Variants in LRRC43 observed in about 807,000 individuals in gnomAD.
LRRC43 encodes the protein leucine-rich repeat-containing protein 43.
In LRRC43, 62 loss-of-function variants were observed where a neutral mutation model predicts 64.3. The observed-to-expected ratio is 0.96, with a 90% CI of 0.79 to 1.19. The LOEUF (loss-of-function observed/expected upper bound fraction) is 1.19. LRRC43 is among the 50% of genes most tolerant of loss of function. The probability of loss-of-function intolerance (pLI) is 0.00; values close to 1 mark genes in which losing one functional copy is unlikely to be tolerated. For missense variants in LRRC43, 868 were observed against 845.0 expected (o/e 1.03, Z -0.34); for synonymous variants, 422 against 382.3 (o/e 1.10, Z -1.21).
chr12:122,190,259 C>T lies in LRRC43; in HGVS notation c.792C>T (p.Pro264=). The change falls in exon 5 of 12, where the codon CCC becomes CCT. Residue 264 remains proline (P), a synonymous_variant. Coordinates refer to ENST00000339777, the MANE Select transcript of LRRC43 (RefSeq NM_001098519.2). ...VLQGNPLALV[P]YYRGLTIDSL... is the part of the protein sequence containing the mutation. Reference sequence around the variant, plus strand: ...AGGGAAACCCACTGGCCTTGGTGCCCTACTACCGCGGCCTCACCATCGACA... The same window carrying T: ...AGGGAAACCCACTGGCCTTGGTGCCTTACTACCGCGGCCTCACCATCGACA... The T allele has an allele frequency of 1.2e-6, 2 of 1,614,186 alleles. No individual in the cohort carries two copies. Among genetic ancestry groups the T allele is most frequent in the Non-Finnish European group, 1.7e-6 (2 of 1,180,028 alleles).
intron 1 of LRRC43, among the ~76,000 whole-genome samples, chr12:122,174,512 A>T (rs529692859): frequency 1.6e-4 from 25 of 152,212 alleles, no homozygotes; most frequent in Non-Finnish European, 2.9e-4. Flanking sequence ...TTTGAAGCCC[A>T]GGGTTGACAG....
intron 7 of LRRC43, among the ~76,000 whole-genome samples, chr12:122,194,337 T>TGAGGTG (rs1297389079): frequency 2.0e-5 from 3 of 150,488 alleles, no homozygotes; most frequent in African/African-American, 7.5e-5. Context: ...TTTGGGAGGC[T>TGAGGTG]GAGGTGGACA....
At chr12:122,180,045 A>G (rs866261186), upstream of LRRC43, among the ~76,000 whole-genome samples, 4 of 152,230 alleles carry the variant, frequency 2.6e-5, no homozygotes, top group Middle Eastern at 3.4e-3. Context: ...ATAAGATGAA[A>G]AGCAGTTTTT....
At position 122,184,573 on chromosome 12, in the gene LRRC43, A is replaced by G; in HGVS notation, c.205A>G (p.Arg69Gly). Residue 69 changes from arginine to glycine, a missense_variant, in exon 2 of 12, where the codon AGA becomes GGA. Arg to Gly is a moderately radical substitution (Grantham distance 125). Transcript: ENST00000339777. This position sits in a 1 kb window ranked among gnomAD's most constrained non-coding sequence, Gnocchi z 4.0. ...TWRTWRELVP[R>G]EEDVVSPGEE... ...GCGAACTTGGAGGGAGCTTGTCCCC[A>G]GAGAGGAGGATGTGGTGAGCCCCGG... The G allele has an allele frequency of 6.2e-7, 1 of 1,613,896 alleles. No individual in the cohort carries two copies. Among genetic ancestry groups the G allele is most frequent in the Non-Finnish European group, 8.5e-7 (1 of 1,179,866 alleles).
Position 122,184,722 on chromosome 12 carries a change from G to A in LRRC43, c.354G>A (p.Thr118=), listed in dbSNP as rs770398014. The change falls in exon 2 of 12, where the codon ACG becomes ACA. Residue 118 remains threonine (T), a synonymous_variant. Transcript: ENST00000339777. This position sits in a 1 kb window ranked among gnomAD's most constrained non-coding sequence, Gnocchi z 4.0. ...LRELAIRNPL[T]ITDTFFYSYF... is the part of the protein sequence containing the mutation. Reference sequence around the variant, plus strand: ...AATTGGCCATCCGGAACCCGCTGACGATCACAGACACCTTCTTCTACTCCT... The same window carrying A: ...AATTGGCCATCCGGAACCCGCTGACAATCACAGACACCTTCTTCTACTCCT... 3.0e-5 allele frequency: 48 copies of A among 1,613,466 alleles called. 1 individual carries two copies. The highest frequency in any genetic ancestry group is 2.7e-4 in the South Asian group (25 of 90,994).
chr12:122,196,641 T>A (rs1593153182), intron 7 of LRRC43, among the ~76,000 whole-genome samples: 1 of 152,114 alleles, frequency 6.6e-6, no homozygotes, highest in African/African-American at 2.4e-5. Context: ...TGGTGGCACA[T>A]GCCTGTAATC....
intron 1 of LRRC43, among the ~76,000 whole-genome samples, chr12:122,173,203 G>T (rs371198975): frequency 5.7e-4 from 87 of 152,022 alleles, no homozygotes; most frequent in African/African-American, 2.0e-3. Context: ...CTCTTTCTAA[G>T]TACTAACTAG....
chr12:122,172,675 G>A, intron 1 of LRRC43: 9 of 1,614,142 alleles, frequency 5.6e-6, no homozygotes, highest in Non-Finnish European at 7.6e-6. Flanking sequence ...TTTGGCGGCT[G>A]GGCGTCAGGG....
chr12:122,194,353 C>T (rs936049641), intron 7 of LRRC43, among the ~76,000 whole-genome samples: 11 of 151,592 alleles, frequency 7.3e-5, no homozygotes, highest in African/African-American at 2.7e-4. Flanking sequence ...GGACAGATCA[C>T]CTCAGGAGGT....
chr12:122,168,168 T>C (rs1360913596), intron 1 of LRRC43, among the ~76,000 whole-genome samples: 1 of 147,052 alleles, frequency 6.8e-6, no homozygotes, highest in Non-Finnish European at 1.5e-5. Flanking sequence ...AGGCCGGGTG[T>C]GGTGGCTCAC....
chr12:122,182,252 G>C (rs984721216), upstream of LRRC43, among the ~76,000 whole-genome samples: 2 of 152,042 alleles, frequency 1.3e-5, no homozygotes, highest in African/African-American at 4.8e-5. Flanking sequence ...GGCTGGGTGC[G>C]GTGGCTCACG....
chr12:122,196,451 A>G (rs567902192), intron 7 of LRRC43, among the ~76,000 whole-genome samples: 2 of 152,314 alleles, frequency 1.3e-5, no homozygotes, highest in East Asian at 3.9e-4. Context: ...GGGATTACAA[A>G]CAACAAATCA....
Position 122,203,343 on chromosome 12 carries a change from C to T in LRRC43, c.1872C>T (p.Tyr624=), listed in dbSNP as rs188717424. 1,264 of 1,613,230 alleles carry T rather than the reference C, an allele frequency of 7.8e-4. No individual in the cohort carries two copies. Among genetic ancestry groups the T allele is most frequent in the Non-Finnish European group, 9.7e-4 (1,139 of 1,179,922 alleles). The change falls in exon 12 of 12, where the codon TAC becomes TAT. Residue 624 remains tyrosine (Y), a synonymous_variant. Coordinates refer to ENST00000339777, the MANE Select transcript of LRRC43 (RefSeq NM_001098519.2). ...KEKPKAVIPI[Y]EGDYHPEPLT... ...AGCCGAAAGCCGTGATTCCGATCTA[C>T]GAAGGCGATTACCACCCTGAGCCCC... is the stretch of plus-strand genomic sequence containing the variant.
At chr12:122,179,869 G>C (rs1296413943), upstream of LRRC43, among the ~76,000 whole-genome samples, 1 of 151,718 alleles carries the variant, frequency 6.6e-6, no homozygotes, top group African/African-American at 2.4e-5. Flanking sequence ...TACTCAGGAG[G>C]CTGAGGCAGG....
chr12:122,195,085 A>G (rs190767079), intron 7 of LRRC43, among the ~76,000 whole-genome samples: 1 of 152,114 alleles, frequency 6.6e-6, no homozygotes, highest in South Asian at 2.1e-4. Context: ...CATGTATTCA[A>G]CTTCTTTTCA....
intron 1 of LRRC43, among the ~76,000 whole-genome samples, chr12:122,175,300 G>C (rs12099705): frequency 0.019 from 2,887 of 151,852 alleles, 85 homozygotes; most frequent in African/African-American, 0.063. Context: ...CTCCTGAGTG[G>C]CTGGGATTAC....
chr12:122,193,146 A>G (rs1024380871), intron 7 of LRRC43, 142 bp downstream of exon 7: 4 of 796,624 alleles, frequency 5.0e-6, no homozygotes, highest in Admixed American at 2.8e-5. Flanking sequence ...TTTGGGAGGC[A>G]GAGGCGGGCG....
chr12:122,173,808 G>C (rs1593139492), intron 1 of LRRC43: 1 of 1,594,268 alleles, frequency 6.3e-7, no homozygotes, highest in Non-Finnish European at 8.6e-7. Flanking sequence ...GCATTTTTAA[G>C]AAATCGTTTA....
Position 122,172,767 on chromosome 12 carries a change from T to A in LRRC43, c.-406+4985T>A, listed in dbSNP as rs774987370. On this transcript the variant is annotated intron_variant, in intron 1 of 5. Transcript: ENST00000537729. ...CTGTGGAATGAGGAGAAATGGTCAG[T>A]GTTGGGTTTGCAATGACAGCTGCAA... 6.4e-6 allele frequency: 10 copies of A among 1,558,634 alleles called. No homozygotes were observed. The South Asian group carries it at 1.2e-4, about 18-fold the overall frequency.
Sources: allele counts gnomAD v4.1 joint callset (sites outside exome capture counted in the v4.1 genomes callset), GRCh38; gene constraint gnomAD v4.1.1; non-coding constraint Gnocchi (gnomAD v3.1); transcripts MANE v1.5; gene names NCBI Gene and HGNC (gene_info 2026-07-23, HGNC 2026-07-21).